The following AP1M1 variants were observed in gnomAD, a reference collection of about 807,000 sequenced individuals.
AP1M1 encodes AP-1 complex subunit mu-1.
AP1M1 carries 18 observed loss-of-function variants against 57.1 expected under a neutral mutation model. The observed-to-expected ratio is 0.32, with a 90% CI of 0.22 to 0.47. The LOEUF is 0.47. Among genes scored for constraint, AP1M1 ranks in the 20% least tolerant of loss-of-function variants. The pLI is 1.00. For missense variants in AP1M1, 362 were observed against 593.5 expected (o/e 0.61, Z 4.05); for synonymous variants, 241 against 237.9 (o/e 1.01, Z -0.12).
rs1395725456 is a variant in AP1M1 at position 16,233,402 on chromosome 19, G to C, written c.1048-91G>C. 135 of 1,430,230 alleles carry C rather than the reference G, an allele frequency of 9.4e-5. 2 individuals are homozygous for C. The South Asian group carries it at 1.9e-3, about 21-fold the overall frequency. The allele number at this position is 1,430,230 out of a possible 1,614,324, so 88.6% of individuals were successfully genotyped here. A position where few individuals can be genotyped will look rare whatever the true frequency, so the allele number is the denominator to read the frequency against. ...TCCCCTCCCTGGACTGGGGTGAGTG[G>C]TCAGTCTCTGCCCATCGCCACTAGG... On this transcript the variant is annotated intron_variant, in intron 9 of 11. Coordinates refer to ENST00000291439, the MANE Select transcript of AP1M1 (RefSeq NM_032493.4).
At chr19:16,220,451 C>T (rs907109978) in intron 5 of AP1M1, among the ~76,000 whole-genome samples, 4 of 151,986 alleles carry the variant, frequency 2.6e-5, no homozygotes, top group Non-Finnish European at 4.4e-5. Context: ...AGTGCAGTGG[C>T]GCGATTACAG....
At position 16,239,809 on chromosome 19, in the gene AP1M1, T is replaced by C. The variant is rs4808038; in HGVS notation, c.*5374T>C. The C allele has an allele frequency of 0.71, 108,258 of 151,510 alleles. 38,897 individuals are homozygous for C. The highest frequency in any genetic ancestry group is 0.77 in the Admixed American group (11,774 of 15,234). 9.4% of individuals were successfully genotyped at this position (151,510 alleles called of 1,614,324 possible). ...CAAAAAAAAAAATTAACAACTTGGT[T>C]GGAGGGTGTTAAAATACAAGTGAGA... On this transcript the variant is annotated 3_prime_UTR_variant, in exon 12 of 12. Transcript: ENST00000291439.
intron 5 of AP1M1, among the ~76,000 whole-genome samples, chr19:16,210,847 AC>A (rs2091490469): frequency 6.6e-6 from 1 of 152,184 alleles, no homozygotes; most frequent in Admixed American, 6.5e-5. Context: ...GGTGTGAGCT[AC>A]CACGCCTGGC....
chr19:16,202,582 A>G (rs1334926336), intron 1 of AP1M1, among the ~76,000 whole-genome samples: 2 of 152,200 alleles, frequency 1.3e-5, no homozygotes, highest in Non-Finnish European at 2.9e-5. Context: ...ATACACGTGC[A>G]GTCATGCAGG....
chr19:16,217,074 T>C (rs984710613), intron 5 of AP1M1, among the ~76,000 whole-genome samples: 2 of 152,134 alleles, frequency 1.3e-5, no homozygotes, highest in African/African-American at 4.8e-5. Flanking sequence ...CACCTGTTCA[T>C]TGGTGCCGAT....
chr19:16,203,664 G>C lies in AP1M1; in HGVS notation c.199+49G>C. 1 of 1,554,080 alleles carries C rather than the reference G, an allele frequency of 6.4e-7. No homozygotes were observed. Among genetic ancestry groups the C allele is most frequent in the African/African-American group, 1.4e-5 (1 of 73,554 alleles). ...CCAGGGGACTCCTGTGTGGGTGTTG[G>C]TGTGTGTGCATATCCACACGCCTGC... On this transcript the variant is annotated intron_variant, in intron 2 of 11. Coordinates refer to ENST00000291439, the MANE Select transcript of AP1M1 (RefSeq NM_032493.4). The surrounding 1 kb of genome is among the most constrained non-coding windows in gnomAD (Gnocchi z 4.6).
chr19:16,226,632 C>A, intron 6 of AP1M1, 85 bp downstream of exon 6: 1 of 1,459,768 alleles, frequency 6.9e-7, no homozygotes, highest in Admixed American at 2.2e-5. Flanking sequence ...TTGGGCCAGG[C>A]GGAGGAACGA....
At chr19:16,226,660 G>A (rs2091572598) in intron 6 of AP1M1, 113 bp downstream of exon 6, 1 of 1,347,938 alleles carries the variant, frequency 7.4e-7, no homozygotes, top group African/African-American at 1.5e-5. Context: ...TCAAGCACTT[G>A]GTTGAGCAGC....
chr19:16,232,468 T>C (rs1309799100), intron 9 of AP1M1, among the ~76,000 whole-genome samples: 1 of 152,246 alleles, frequency 6.6e-6, no homozygotes, highest in African/African-American at 2.4e-5. Flanking sequence ...AGATTTGGGG[T>C]CTGGCTGAGT....
At chr19:16,230,703 A>G (rs2091592157) in intron 9 of AP1M1, among the ~76,000 whole-genome samples, 1 of 152,122 alleles carries the variant, frequency 6.6e-6, no homozygotes, top group Non-Finnish European at 1.5e-5. Context: ...CCGGCTGGTA[A>G]ACGTAACTTT....
At chr19:16,231,027 G>A (rs1474477742) in intron 9 of AP1M1, among the ~76,000 whole-genome samples, 1 of 151,932 alleles carries the variant, frequency 6.6e-6, no homozygotes, top group Admixed American at 6.6e-5. Flanking sequence ...TGTGGCTCAC[G>A]CCTGTAATCC....
Position 16,203,578 on chromosome 19 carries a change from G to T in AP1M1, c.162G>T (p.Gly54=), listed in dbSNP as rs766957694. 3.1e-6 allele frequency: 5 copies of T among 1,613,834 alleles called. No individual in the cohort carries two copies. Among genetic ancestry groups the T allele is most frequent in the East Asian group, 2.2e-5 (1 of 44,884 alleles). Residue 54 remains glycine, a synonymous_variant, in exon 2 of 12, where the codon GGG becomes GGT. Coordinates refer to ENST00000291439, the MANE Select transcript of AP1M1 (RefSeq NM_032493.4). This position sits in a 1 kb window ranked among gnomAD's most constrained non-coding sequence, Gnocchi z 4.6. ...TGTCGCCCATCCTGGCCCACGGGGGGGTCCGTTTCATGTGGATCAAACACA... is the reference window on the plus strand; with the variant it reads ...TGTCGCCCATCCTGGCCCACGGGGGTGTCCGTTTCATGTGGATCAAACACA... ...GMLSPILAHG[G]VRFMWIKHNN...
At chr19:16,218,878 TC>T (rs1026881150) in intron 5 of AP1M1, among the ~76,000 whole-genome samples, 3 of 152,166 alleles carry the variant, frequency 2.0e-5, no homozygotes, top group African/African-American at 7.2e-5. Flanking sequence ...CTTTACGTCT[TC>T]CCTCACTGAG....
chr19:16,232,632 G>C (rs1170505059), intron 9 of AP1M1, among the ~76,000 whole-genome samples: 1 of 152,196 alleles, frequency 6.6e-6, no homozygotes, highest in Non-Finnish European at 1.5e-5. Context: ...ACGCTGCCCT[G>C]GTGGCAGTAG....
intron 5 of AP1M1, among the ~76,000 whole-genome samples, chr19:16,216,705 G>T (rs115989543): frequency 6.6e-6 from 1 of 152,282 alleles, no homozygotes; most frequent in East Asian, 1.9e-4. Flanking sequence ...GGGGACCAAG[G>T]CTCAGCTTAG....
At chr19:16,199,086 GT>G (rs1234220622) in intron 1 of AP1M1, among the ~76,000 whole-genome samples, 2 of 152,176 alleles carry the variant, frequency 1.3e-5, no homozygotes, top group Middle Eastern at 3.2e-3. Context: ...GGGATTACAG[GT>G]GTGAGTCATG....
Position 16,206,378 on chromosome 19 carries a change from G to A in AP1M1, c.237G>A (p.Leu79=). The part of the protein sequence containing the change: ...ATSKKNACVS[L]VFSFLYKVVQ... ...CCAAGAAGAACGCGTGCGTGTCGCT[G>A]GTCTTTTCTTTCCTCTATAAGGTGG... Residue 79 remains leucine (L), a synonymous_variant, in exon 3 of 12, where the codon CTG becomes CTA. Coordinates refer to ENST00000291439, the MANE Select transcript of AP1M1 (RefSeq NM_032493.4). The surrounding 1 kb of genome is among the most constrained non-coding windows in gnomAD (Gnocchi z 4.3). The A allele has an allele frequency of 6.2e-7, 1 of 1,614,144 alleles. No individual in the cohort carries two copies. Among genetic ancestry groups the A allele is most frequent in the Non-Finnish European group, 8.5e-7 (1 of 1,180,022 alleles).
chr19:16,224,634 G>A (rs1046817735), intron 5 of AP1M1, among the ~76,000 whole-genome samples: 1 of 152,216 alleles, frequency 6.6e-6, no homozygotes, highest in African/African-American at 2.4e-5. Context: ...GATCAGCCTC[G>A]TGGGCTGGGC....
At chr19:16,202,394 A>G (rs1276189400) in intron 1 of AP1M1, among the ~76,000 whole-genome samples, 1 of 152,246 alleles carries the variant, frequency 6.6e-6, no homozygotes, top group Non-Finnish European at 1.5e-5. Flanking sequence ...TTAATGAGGT[A>G]TAATTTACAT....
Sources: allele counts gnomAD v4.1 joint callset (sites outside exome capture counted in the v4.1 genomes callset), GRCh38; gene constraint gnomAD v4.1.1; non-coding constraint Gnocchi (gnomAD v3.1); transcripts MANE v1.5; gene names NCBI Gene and HGNC (gene_info 2026-07-23, HGNC 2026-07-21).